The following SRBD1 variants were observed in gnomAD, a reference collection of about 807,000 sequenced individuals.
SRBD1 encodes the protein S1 RNA binding domain 1, also known as S1 RNA-binding domain-containing protein 1.
In SRBD1, 88 loss-of-function variants were observed where a neutral mutation model predicts 115.3. The ratio of observed to expected loss-of-function variants is 0.76; its 90% CI spans 0.64 to 0.91. SRBD1 has a LOEUF of 0.91. SRBD1 is among the 40% of genes least tolerant of loss of function. The pLI is 0.00. For synonymous variants in SRBD1, 509 were observed against 407.7 expected (o/e 1.25, Z -2.99); for missense variants, 1,385 against 1,177.4 (o/e 1.18, Z -2.58).
intron 19 of SRBD1, among the ~76,000 whole-genome samples, chr2:45,402,781 A>G (rs1343356863): frequency 1.3e-5 from 2 of 152,160 alleles, no homozygotes; most frequent in Non-Finnish European, 2.9e-5. Context: ...GGAGAGTGCC[A>G]GGTCTCACTG....
intron 9 of SRBD1, among the ~76,000 whole-genome samples, chr2:45,564,653 G>T (rs1672771562): frequency 6.6e-6 from 1 of 151,592 alleles, no homozygotes; most frequent in East Asian, 1.9e-4. Context: ...ACCACCAAAA[G>T]GAATAAAATA....
chr2:45,585,565 C>G (rs1673492467), intron 5 of SRBD1, 43 bp downstream of exon 5: 2 of 1,573,574 alleles, frequency 1.3e-6, no homozygotes, highest in African/African-American at 2.8e-5. Flanking sequence ...CCTCATTGGC[C>G]TTTTCCCCTT....
chr2:45,550,830 A>C (rs1647233706), intron 12 of SRBD1, among the ~76,000 whole-genome samples: 1 of 152,244 alleles, frequency 6.6e-6, no homozygotes, highest in African/African-American at 2.4e-5. Context: ...TAAATGCATC[A>C]CAATAATAGA....
At chr2:45,539,630 C>G (rs1193457120) in intron 14 of SRBD1, among the ~76,000 whole-genome samples, 4 of 152,126 alleles carry the variant, frequency 2.6e-5, no homozygotes, top group African/African-American at 4.8e-5. Context: ...GGTCTGCAGC[C>G]TAAATTCACA....
intron 16 of SRBD1, among the ~76,000 whole-genome samples, chr2:45,446,447 T>C (rs1045660266): frequency 3.3e-5 from 5 of 152,232 alleles, no homozygotes; most frequent in East Asian, 1.9e-4. Context: ...CCTACCACAA[T>C]TGAATCTCCT....
intron 19 of SRBD1, among the ~76,000 whole-genome samples, chr2:45,402,832 A>G (rs1667326634): frequency 6.6e-6 from 1 of 151,988 alleles, no homozygotes; most frequent in South Asian, 2.1e-4. Context: ...ACCAAGCACT[A>G]CTCCTGGCAC....
intron 4 of SRBD1, among the ~76,000 whole-genome samples, chr2:45,592,119 T>C (rs987032511): frequency 1.3e-5 from 2 of 152,186 alleles, no homozygotes; most frequent in Non-Finnish European, 2.9e-5. Context: ...CCTCATTTTC[T>C]CTTGCTGCTG....
intron 16 of SRBD1, among the ~76,000 whole-genome samples, chr2:45,468,830 T>C (rs1334801146): frequency 6.6e-6 from 1 of 152,328 alleles, no homozygotes; most frequent in East Asian, 1.9e-4. Context: ...AAAGTGGTGG[T>C]ACCAATTTAT....
In SRBD1 at chr2:45,574,689, C is replaced by T. The variant is rs1232603261; in HGVS notation, c.1107G>A (p.Val369=). 6.2e-7 allele frequency: 1 copy of T among 1,613,750 alleles called. No homozygotes were observed. Among genetic ancestry groups the T allele is most frequent in the South Asian group, 1.1e-5 (1 of 91,012 alleles). Residue 369 remains valine, a synonymous_variant, in exon 8 of 21, where the codon GTG becomes GTA. Coordinates refer to ENST00000263736, the MANE Select transcript of SRBD1 (RefSeq NM_018079.5). ...CAATCATATCTGCTAAAATATGCTG[C>T]ACTCCTATTTCAATATCCTGAAGCG... ...LSTLQDIEIG[V]QHILADMIAK... is the part of the protein sequence containing the mutation.
chr2:45,467,210 G>A (rs765802167), intron 16 of SRBD1, among the ~76,000 whole-genome samples: 4 of 152,104 alleles, frequency 2.6e-5, no homozygotes, highest in Non-Finnish European at 4.4e-5. Flanking sequence ...GTGATTCTCC[G>A]CCCTGGTTGT....
At chr2:45,557,678 T>C (rs540733395) in intron 10 of SRBD1, among the ~76,000 whole-genome samples, 1 of 152,316 alleles carries the variant, frequency 6.6e-6, no homozygotes, top group South Asian at 2.1e-4. Flanking sequence ...ACCGGCTTCC[T>C]GGGATTTATT....
intron 4 of SRBD1, among the ~76,000 whole-genome samples, chr2:45,590,936 G>A (rs1200445131): frequency 6.6e-6 from 1 of 151,596 alleles, no homozygotes; most frequent in Non-Finnish European, 1.5e-5. Flanking sequence ...GGAATCACTT[G>A]AACCCGGGAG....
rs138087929 is a variant in SRBD1, at chr2:45,472,265, T to C, written c.2049+4728A>G. Among the ~76,000 whole-genome samples the C allele has an allele frequency of 2.5e-3, 378 of 152,322 alleles. 4 individuals are homozygous for C. The highest frequency in any genetic ancestry group is 8.6e-3 in the African/African-American group (356 of 41,566). ...CCCACATATTGTATGATTCCATGTATATGAAGTATCTAGAGGAAAATAGAT... is the reference window on the plus strand; with the variant it reads ...CCCACATATTGTATGATTCCATGTACATGAAGTATCTAGAGGAAAATAGAT... On this transcript the variant is annotated intron_variant, in intron 16 of 20. Transcript: ENST00000263736.
intron 9 of SRBD1, among the ~76,000 whole-genome samples, chr2:45,566,147 T>C (rs1672823768): frequency 6.6e-6 from 1 of 152,172 alleles, no homozygotes; most frequent in South Asian, 2.1e-4. Context: ...CTGGAAAATA[T>C]GGCAGTTCCT....
intron 15 of SRBD1, among the ~76,000 whole-genome samples, chr2:45,482,953 T>C (rs975180628): frequency 8.5e-5 from 13 of 152,268 alleles, no homozygotes; most frequent in African/African-American, 3.1e-4. Flanking sequence ...TTCAAATCTA[T>C]ATTACTTTTA....
intron 19 of SRBD1, 25 bp from the exon 20 acceptor site, chr2:45,393,154 C>T (rs540774238): frequency 7.0e-6 from 11 of 1,572,274 alleles, no homozygotes; most frequent in Middle Eastern, 3.6e-4. Flanking sequence ...ATAAAAAGCG[C>T]AACACTTAAC....
In SRBD1 at chr2:45,488,350, G is replaced by T. The variant is rs368042439; in HGVS notation, c.1875-19C>A. 4 of 1,604,170 alleles carry T rather than the reference G, an allele frequency of 2.5e-6. No homozygotes were observed. Among genetic ancestry groups the T allele is most frequent in the Non-Finnish European group, 3.4e-6 (4 of 1,172,290 alleles). On this transcript the variant is annotated intron_variant, in intron 14 of 20. Coordinates refer to ENST00000263736, the MANE Select transcript of SRBD1 (RefSeq NM_018079.5). ...GACGATACTGAGAAGACAGAAAAAG[G>T]GGAATATCACTTTCCTAACTTCCTG...
intron 13 of SRBD1, among the ~76,000 whole-genome samples, chr2:45,547,157 A>G (rs1026278350): frequency 6.6e-6 from 1 of 152,222 alleles, no homozygotes; most frequent in Admixed American, 6.5e-5. Flanking sequence ...CTAAGCCGTA[A>G]TAAAGATATT....
chr2:45,540,285 G>A lies in SRBD1; in HGVS notation c.1874+6447C>T, dbSNP rs570444761. 4.0e-5 allele frequency among the ~76,000 whole-genome samples: 6 copies of A among 151,678 alleles called. No homozygotes were observed. In the South Asian group the frequency reaches 1.0e-3, roughly 26 times the overall value. On this transcript the variant is annotated intron_variant, in intron 14 of 20. Transcript: ENST00000263736. ...GAACCCAGGAGGCAGAGGCTGCAGT[G>A]AGCTGAGATTGTGCTGCTGCACTCC...
Sources: gnomAD v4.1 joint callset for allele counts (sites outside exome capture counted in the v4.1 genomes callset) on GRCh38, gnomAD v4.1.1 for gene constraint, MANE v1.5 for transcripts, NCBI Gene and HGNC (gene_info 2026-07-23, HGNC 2026-07-21) for gene names.